Variants in DIAPH3 observed in about 807,000 individuals in gnomAD.
DIAPH3 encodes protein diaphanous homolog 3.
DIAPH3 carries 117 observed loss-of-function variants against 144.3 expected under a neutral mutation model. That is an observed-to-expected ratio of 0.81 (90% CI 0.70 to 0.95). The LOEUF is 0.95. DIAPH3 is among the 40% of genes least tolerant of loss of function. The probability of loss-of-function intolerance (pLI) is 0.00; values close to 1 mark genes in which losing one functional copy is unlikely to be tolerated. For synonymous variants in DIAPH3, 519 were observed against 488.9 expected (o/e 1.06, Z -0.81); for missense variants, 1,421 against 1,412.7 (o/e 1.01, Z -0.09).
intron 1 of DIAPH3, among the ~76,000 whole-genome samples, chr13:60,161,804 T>C (rs1952308448): frequency 1.3e-5 from 2 of 152,122 alleles, no homozygotes; most frequent in Admixed American, 1.3e-4. Flanking sequence ...AACAAAGGAC[T>C]ATCAAGAATG....
chr13:60,053,493 T>G (rs540156303), intron 4 of DIAPH3, among the ~76,000 whole-genome samples: 1 of 152,284 alleles, frequency 6.6e-6, no homozygotes, highest in East Asian at 1.9e-4. Flanking sequence ...CTTTATTAAA[T>G]GTATTCTAAG....
At chr13:59,955,449 C>T (rs1419110882) in intron 17 of DIAPH3, among the ~76,000 whole-genome samples, 1 of 152,178 alleles carries the variant, frequency 6.6e-6, no homozygotes, top group Non-Finnish European at 1.5e-5. Flanking sequence ...ATTGTGAGGC[C>T]TTCCCAGCCA....
At chr13:59,935,723 G>A (rs1031386440) in intron 17 of DIAPH3, among the ~76,000 whole-genome samples, 1 of 152,144 alleles carries the variant, frequency 6.6e-6, no homozygotes, top group Non-Finnish European at 1.5e-5. Flanking sequence ...ATAAATGGGT[G>A]TGTACCTAAC....
chr13:59,737,551 G>A (rs1459283217), intron 27 of DIAPH3, among the ~76,000 whole-genome samples: 3 of 152,096 alleles, frequency 2.0e-5, no homozygotes, highest in Non-Finnish European at 4.4e-5. Flanking sequence ...AAAAAAGATA[G>A]TATCATAGTG....
intron 4 of DIAPH3, among the ~76,000 whole-genome samples, chr13:60,044,795 A>G (rs1039510260): frequency 2.0e-5 from 3 of 151,994 alleles, no homozygotes; most frequent in Non-Finnish European, 4.4e-5. Context: ...CTATAATCCT[A>G]TGTTTTGGGA....
intron 27 of DIAPH3, among the ~76,000 whole-genome samples, chr13:59,722,815 G>A (rs1392067471): frequency 1.3e-5 from 2 of 152,140 alleles, no homozygotes; most frequent in Non-Finnish European, 2.9e-5. Flanking sequence ...GGGAGCAAAT[G>A]CCATGGTAGC....
intron 27 of DIAPH3, among the ~76,000 whole-genome samples, chr13:59,753,007 T>C (rs1199082242): frequency 1.3e-5 from 2 of 152,222 alleles, no homozygotes; most frequent in Admixed American, 1.3e-4. Context: ...AAGTAGCTAC[T>C]AATGAAAATT....
intron 12 of DIAPH3, 42 bp from the exon 13 acceptor site, chr13:59,983,929 T>C (rs1440171631): frequency 3.7e-6 from 5 of 1,342,180 alleles, no homozygotes; most frequent in East Asian, 2.3e-5. Flanking sequence ...TGATAATTAG[T>C]GTAACTTTAC....
intron 27 of DIAPH3, among the ~76,000 whole-genome samples, chr13:59,677,284 ATT>A (rs1305290218): frequency 6.6e-6 from 1 of 152,022 alleles, no homozygotes; most frequent in Non-Finnish European, 1.5e-5. Context: ...TTTATTGTAC[ATT>A]TTTTTGTGCT....
intron 9 of DIAPH3, among the ~76,000 whole-genome samples, chr13:59,996,661 G>A (rs186261188): frequency 3.3e-5 from 5 of 152,090 alleles, no homozygotes; most frequent in Admixed American, 1.3e-4. Flanking sequence ...CCATAAAGTA[G>A]GAAGGTAAAG....
chr13:59,679,859 G>A (rs753925151), intron 27 of DIAPH3, among the ~76,000 whole-genome samples: 6 of 151,908 alleles, frequency 3.9e-5, no homozygotes, highest in Non-Finnish European at 4.4e-5. Flanking sequence ...CAAGTATTAC[G>A]GTATGGTTTA....
At chr13:60,019,140 T>C (rs2053845405) in intron 5 of DIAPH3, among the ~76,000 whole-genome samples, 1 of 152,178 alleles carries the variant, frequency 6.6e-6, no homozygotes, top group Admixed American at 6.5e-5. Flanking sequence ...GTCTGTAGTC[T>C]TGACAGAGGT....
chr13:59,785,711 G>C (rs760842942), intron 25 of DIAPH3, among the ~76,000 whole-genome samples: 1 of 152,012 alleles, frequency 6.6e-6, no homozygotes, highest in Non-Finnish European at 1.5e-5. Context: ...TTCCACAGAG[G>C]CTAGGAAAGC....
At chr13:60,105,127 T>C (rs1356469785) in intron 3 of DIAPH3, among the ~76,000 whole-genome samples, 1 of 73,468 alleles carries the variant, frequency 1.4e-5, no homozygotes, top group East Asian at 3.8e-4. Flanking sequence ...AAAAAAAAAC[T>C]GCCAGTGATG....
chr13:60,031,817 C>T (rs2054824077), intron 5 of DIAPH3, among the ~76,000 whole-genome samples: 1 of 128,936 alleles, frequency 7.8e-6, no homozygotes, highest in African/African-American at 3.0e-5. Flanking sequence ...GATCTTGGCT[C>T]ACTGCAACCT....
chr13:59,797,522 T>C (rs1442533004), intron 25 of DIAPH3, among the ~76,000 whole-genome samples: 1 of 152,234 alleles, frequency 6.6e-6, no homozygotes, highest in Non-Finnish European at 1.5e-5. Context: ...TGGGAATGTC[T>C]TTCAGAATGT....
At chr13:60,031,083 G>A (rs191869065) in intron 5 of DIAPH3, among the ~76,000 whole-genome samples, 4 of 152,094 alleles carry the variant, frequency 2.6e-5, no homozygotes, top group Admixed American at 1.3e-4. Context: ...TAATTGGCTC[G>A]CAGTTCTGCA....
chr13:59,824,979 A>T (rs2041299105), intron 24 of DIAPH3, among the ~76,000 whole-genome samples: 1 of 152,148 alleles, frequency 6.6e-6, no homozygotes, highest in Non-Finnish European at 1.5e-5. Context: ...TTGCAAACTC[A>T]GAGAGTCCAC....
In DIAPH3 at chr13:60,042,819, C is replaced by T. The variant is rs752365897; in HGVS notation, c.497G>A (p.Gly166Glu). ...MQYINTASKT[G>E]SLKRSRQISP... Reference sequence around the variant, plus strand: ...GATCTGTCGGCTTCTCTTAAGACTTCCCTATAAAATAAGTCAAAAAATGTT... The same window carrying T: ...GATCTGTCGGCTTCTCTTAAGACTTTCCTATAAAATAAGTCAAAAAATGTT... The change falls in exon 5 of 28, where the codon GGA (glycine) becomes GAA (glutamate). Residue 166 changes from glycine (G) to glutamate (E), a missense_variant and splice_region_variant. Physicochemically the swap from Gly to Glu is moderately conservative, Grantham distance 98 (BLOSUM62 -2). Transcript: ENST00000400324. 3 of 1,613,140 alleles carry T rather than the reference C, an allele frequency of 1.9e-6. No individual in the cohort carries two copies. The highest frequency in any genetic ancestry group is 2.2e-5 in the East Asian group (1 of 44,776).
Sources: gnomAD v4.1 joint callset for allele counts (sites outside exome capture counted in the v4.1 genomes callset) on GRCh38, gnomAD v4.1.1 for gene constraint, MANE v1.5 for transcripts, NCBI Gene and HGNC (gene_info 2026-07-23, HGNC 2026-07-21) for gene names.